ZBTB20: variants seen among roughly 807,000 people sequenced by gnomAD.
The protein encoded by ZBTB20 is zinc finger and BTB domain containing 20.
Under a neutral mutation model 56.9 loss-of-function variants are expected in ZBTB20, and 9 were observed. The ratio of observed to expected loss-of-function variants is 0.16; its 90% CI spans 0.10 to 0.28. The LOEUF (loss-of-function observed/expected upper bound fraction) is 0.28, where lower values mean the gene tolerates loss of function less well. Among genes scored for constraint, ZBTB20 ranks in the 10% least tolerant of loss-of-function variants. The pLI, the probability that ZBTB20 is intolerant of heterozygous loss-of-function variation, is 1.00. For synonymous variants in ZBTB20, 417 were observed against 420.7 expected, an observed-to-expected ratio of 0.99 and a Z score of 0.11; for missense variants, 655 against 1,003.0, an observed-to-expected ratio of 0.65 and a Z score of 4.69.
At chr3:114,342,446 A>AG (rs2079852765) in intron 11 of ZBTB20, among the ~76,000 whole-genome samples, 1 of 152,206 alleles carries the variant, frequency 6.6e-6, no homozygotes, top group South Asian at 2.1e-4. Context: ...TATAACATCA[A>AG]GGGGAAGGTC....
At chr3:114,477,544 G>A (rs1415296268) in intron 7 of ZBTB20, among the ~76,000 whole-genome samples, 1 of 139,600 alleles carries the variant, frequency 7.2e-6, no homozygotes, top group Non-Finnish European at 1.5e-5. Flanking sequence ...TGCCCAGGCT[G>A]GAGTTCAATG....
intron 4 of ZBTB20, among the ~76,000 whole-genome samples, chr3:114,874,531 C>T (rs2076122562): frequency 6.6e-6 from 1 of 152,134 alleles, no homozygotes; most frequent in Non-Finnish European, 1.5e-5. Flanking sequence ...CAAAGCTGAT[C>T]CAACTAGGAG....
chr3:114,954,638 G>A (rs1470067525), intron 3 of ZBTB20, among the ~76,000 whole-genome samples: 2 of 152,184 alleles, frequency 1.3e-5, no homozygotes, highest in African/African-American at 2.4e-5. Context: ...TAAGCAGTGT[G>A]AGTTTAAGTG....
chr3:114,879,836 T>C (rs186596019), intron 4 of ZBTB20, among the ~76,000 whole-genome samples: 2 of 152,110 alleles, frequency 1.3e-5, no homozygotes, highest in East Asian at 3.9e-4. Context: ...GTGCTGGAGG[T>C]GGTTAAGATC....
chr3:115,116,596 A>T (rs1277370227), intron 1 of ZBTB20, among the ~76,000 whole-genome samples: 1 of 152,064 alleles, frequency 6.6e-6, no homozygotes, highest in Admixed American at 6.5e-5. Context: ...GTGAACATAC[A>T]AAGTGCAAGG....
At chr3:114,523,031 T>C (rs79962123) in intron 6 of ZBTB20, among the ~76,000 whole-genome samples, 1,716 of 152,190 alleles carry the variant, frequency 0.011, 25 homozygotes, top group African/African-American at 0.037. Flanking sequence ...CTTCAAAGAT[T>C]GAGCTCTAGG....
intron 4 of ZBTB20, among the ~76,000 whole-genome samples, chr3:114,844,808 T>C (rs1021897993): frequency 1.3e-5 from 2 of 150,838 alleles, no homozygotes; most frequent in East Asian, 1.9e-4. Context: ...CTAACAATGA[T>C]TGATATTGAG....
chr3:114,504,037 A>AG (rs935216802), intron 6 of ZBTB20, among the ~76,000 whole-genome samples: 1 of 152,074 alleles, frequency 6.6e-6, no homozygotes, highest in African/African-American at 2.4e-5. Context: ...CAGACAGGGG[A>AG]GAAAAACCCT....
intron 6 of ZBTB20, among the ~76,000 whole-genome samples, chr3:114,614,231 A>G (rs2057760252): frequency 6.6e-6 from 1 of 152,242 alleles, no homozygotes; most frequent in Non-Finnish European, 1.5e-5. Context: ...CCAGAGCAGT[A>G]GCCATTCTAA....
intron 6 of ZBTB20, among the ~76,000 whole-genome samples, chr3:114,615,678 G>T (rs1012556438): frequency 5.0e-4 from 76 of 152,176 alleles, no homozygotes; most frequent in African/African-American, 1.7e-3. Context: ...TGTATCAGCT[G>T]CAAACGTGAC....
At chr3:114,377,254 G>A (rs1321531012) in intron 10 of ZBTB20, among the ~76,000 whole-genome samples, 1 of 152,158 alleles carries the variant, frequency 6.6e-6, no homozygotes, top group Non-Finnish European at 1.5e-5. Flanking sequence ...GAGGTGGTAA[G>A]CTAGGGGGTA....
chr3:114,802,332 A>T (rs952046122), intron 4 of ZBTB20, among the ~76,000 whole-genome samples: 2 of 151,940 alleles, frequency 1.3e-5, no homozygotes. Flanking sequence ...TAGAAAGCAT[A>T]TGTAGTTCTT....
At chr3:114,844,460 A>ACAGTGAG (rs1363047812) in intron 4 of ZBTB20, among the ~76,000 whole-genome samples, 3 of 119,220 alleles carry the variant, frequency 2.5e-5, no homozygotes, top group Non-Finnish European at 4.9e-5. Context: ...GTTTGAGGTT[A>ACAGTGAG]CAGTGAGCTA....
At chr3:114,550,178 T>C (rs1006880368) in intron 6 of ZBTB20, among the ~76,000 whole-genome samples, 3 of 152,182 alleles carry the variant, frequency 2.0e-5, no homozygotes, top group Non-Finnish European at 2.9e-5. Context: ...GATCTTGCGA[T>C]CCGCCTGCCT....
chr3:114,478,232 C>T (rs1237687391), intron 7 of ZBTB20, among the ~76,000 whole-genome samples: 1 of 152,198 alleles, frequency 6.6e-6, no homozygotes, highest in Non-Finnish European at 1.5e-5. Context: ...TCCCAAAGTG[C>T]TGGGATTACA....
intron 2 of ZBTB20, among the ~76,000 whole-genome samples, chr3:115,008,163 A>G (rs1405864373): frequency 6.6e-6 from 1 of 151,924 alleles, no homozygotes. Context: ...CATACTGCTG[A>G]CTATGGAATA....
chr3:114,862,879 A>G (rs1186119645), intron 4 of ZBTB20, among the ~76,000 whole-genome samples: 1 of 152,176 alleles, frequency 6.6e-6, no homozygotes, highest in Non-Finnish European at 1.5e-5. Context: ...CTAGGATAAT[A>G]GTGATCCTCT....
At chr3:114,465,075 T>TAA (rs11335761) in intron 7 of ZBTB20, among the ~76,000 whole-genome samples, 3 of 144,704 alleles carry the variant, frequency 2.1e-5, no homozygotes, top group African/African-American at 7.5e-5. Flanking sequence ...TTCTTGTACT[T>TAA]AAAAAAAAAA....
chr3:114,900,512 T>TATACACACACACACACACAC, intron 3 of ZBTB20, 170 bp from the exon 4 acceptor site: 1 of 145,642 alleles, frequency 6.9e-6, no homozygotes, highest in Non-Finnish European at 1.5e-5. Context: ...TGAAAATATA[T>TATACACACACACACACACAC]ACACACACAC....
Sources: allele counts gnomAD v4.1 joint callset (sites outside exome capture counted in the v4.1 genomes callset), GRCh38; gene constraint gnomAD v4.1.1; transcripts MANE v1.5; gene names NCBI Gene and HGNC (gene_info 2026-07-23, HGNC 2026-07-21).